The following WDFY4 variants were observed in gnomAD, a reference collection of about 807,000 sequenced individuals.
The protein encoded by WDFY4 is WDFY family member 4, also known as WD repeat- and FYVE domain-containing protein 4.
WDFY4 carries 169 observed loss-of-function variants against 351.9 expected under a neutral mutation model. The ratio of observed to expected loss-of-function variants is 0.48; its 90% CI spans 0.42 to 0.55. The LOEUF is 0.55. WDFY4 is among the 20% of genes least tolerant of loss of function. The probability of loss-of-function intolerance (pLI) is 0.00; values close to 1 mark genes in which losing one functional copy is unlikely to be tolerated. For synonymous variants in WDFY4, 1,622 were observed against 1,574.6 expected, an observed-to-expected ratio of 1.03 and a Z score of -0.71; for missense variants, 3,803 against 3,935.6, an observed-to-expected ratio of 0.97 and a Z score of 0.90.
At chr10:48,848,252 C>T (rs978211682) in intron 39 of WDFY4, among the ~76,000 whole-genome samples, 3 of 152,282 alleles carry the variant, frequency 2.0e-5, no homozygotes, top group South Asian at 4.1e-4. Flanking sequence ...CATGATTTAC[C>T]AACAAACAGG....
At chr10:48,834,536 T>C (rs2068311345) in intron 39 of WDFY4, among the ~76,000 whole-genome samples, 1 of 152,222 alleles carries the variant, frequency 6.6e-6, no homozygotes, top group Non-Finnish European at 1.5e-5. Flanking sequence ...GATCATCCTA[T>C]AGGTGATATG....
chr10:48,733,833 T>C, intron 9 of WDFY4, 98 bp from the exon 10 acceptor site: 3 of 1,073,686 alleles, frequency 2.8e-6, no homozygotes, highest in Non-Finnish European at 4.1e-6. Flanking sequence ...AAGCATTATA[T>C]TCACATCTCC....
At chr10:48,876,934 C>A (rs747874060) in intron 42 of WDFY4, 99 bp from the exon 43 acceptor site, 7 of 1,250,982 alleles carry the variant, frequency 5.6e-6, no homozygotes, top group Middle Eastern at 5.8e-4. Flanking sequence ...GGCCCTGGAG[C>A]CTTGCTGCTC....
intron 13 of WDFY4, among the ~76,000 whole-genome samples, chr10:48,773,545 C>A (rs1021592343): frequency 1.3e-5 from 2 of 152,212 alleles, no homozygotes; most frequent in African/African-American, 4.8e-5. Context: ...ATTTACTGAG[C>A]CCAGTCTATG....
At chr10:48,832,932 A>T (rs2068242761) in intron 39 of WDFY4, among the ~76,000 whole-genome samples, 1 of 152,182 alleles carries the variant, frequency 6.6e-6, no homozygotes. Flanking sequence ...TTCAGAGGGC[A>T]CTAGCCCACC....
intron 1 of WDFY4, among the ~76,000 whole-genome samples, chr10:48,699,638 C>G (rs1027039433): frequency 3.3e-5 from 5 of 152,216 alleles, no homozygotes; most frequent in Admixed American, 2.0e-4. Context: ...TTGGAGTCAT[C>G]ATGCAGGCTG....
chr10:48,866,346 T>G (rs2069543027), intron 39 of WDFY4, among the ~76,000 whole-genome samples: 1 of 152,036 alleles, frequency 6.6e-6, no homozygotes, highest in African/African-American at 2.4e-5. Context: ...CATTAGTTAT[T>G]TAGGAATGTG....
intron 47 of WDFY4, chr10:48,913,530 G>C: frequency 6.2e-7 from 1 of 1,614,036 alleles, no homozygotes; most frequent in South Asian, 1.1e-5. Context: ...TCTCAGGCAA[G>C]CCGCACACAG....
chr10:48,719,703 C>A (rs1440130305), intron 2 of WDFY4, among the ~76,000 whole-genome samples: 1 of 152,174 alleles, frequency 6.6e-6, no homozygotes, highest in African/African-American at 2.4e-5. Context: ...GCAGCAGGCA[C>A]CTGGCAGGGC....
At chr10:48,740,216 G>GT (rs1280355977) in intron 11 of WDFY4, among the ~76,000 whole-genome samples, 1 of 152,190 alleles carries the variant, frequency 6.6e-6, no homozygotes, top group African/African-American at 2.4e-5. Flanking sequence ...TTCATGGCAT[G>GT]TGTCACGTGA....
chr10:48,913,865 G>C (rs1459393536), intron 47 of WDFY4: 1 of 1,614,138 alleles, frequency 6.2e-7, no homozygotes, highest in Admixed American at 1.7e-5. Flanking sequence ...GGTAGAGCAG[G>C]CTGGTCATCT....
chr10:48,777,277 C>T (rs1423266922), intron 16 of WDFY4, 142 bp from the exon 17 acceptor site: 2 of 833,678 alleles, frequency 2.4e-6, no homozygotes, highest in African/African-American at 1.7e-5. Context: ...AGCTGCAGTC[C>T]ATCCTTGGGA....
rs1307870289 is a variant in WDFY4, at chr10:48,982,715, C to G, written c.*140C>G. The G allele has an allele frequency of 1.2e-5, 10 of 803,452 alleles. No homozygotes were observed. The highest frequency in any genetic ancestry group is 2.1e-5 in the Non-Finnish European group (10 of 484,076). 49.8% of individuals were successfully genotyped at this position (803,452 alleles called of 1,614,324 possible). A position where few individuals can be genotyped will look rare whatever the true frequency, so the allele number is the denominator to read the frequency against. On this transcript the variant is annotated 3_prime_UTR_variant, in exon 62 of 62. Coordinates refer to ENST00000325239, the MANE Select transcript of WDFY4 (RefSeq NM_001394531.1). ...TTCTCAAGGAAGGGCCTCTGGCAAT[C>G]ACAGCTCTGCAGCCCAACCCTCTCC... is the stretch of plus-strand genomic sequence containing the variant.
At chr10:48,948,108 G>T (rs1564521330) in intron 51 of WDFY4, among the ~76,000 whole-genome samples, 1 of 152,178 alleles carries the variant, frequency 6.6e-6, no homozygotes, top group South Asian at 2.1e-4. Flanking sequence ...GAATGGGTAG[G>T]CAAGGTCAAG....
chr10:48,948,170 G>T (rs146802814), intron 51 of WDFY4, among the ~76,000 whole-genome samples: 75 of 152,272 alleles, frequency 4.9e-4, no homozygotes, highest in African/African-American at 1.6e-3. Flanking sequence ...ATTACTTGGC[G>T]CAGCCTTCTC....
intron 47 of WDFY4, among the ~76,000 whole-genome samples, chr10:48,938,335 T>C (rs1252966359): frequency 1.3e-5 from 2 of 152,314 alleles, no homozygotes; most frequent in Admixed American, 6.5e-5. Context: ...TAGTGCCAGG[T>C]GAAGAAGAGG....
At chr10:48,853,362 A>G (rs918889897) in intron 39 of WDFY4, among the ~76,000 whole-genome samples, 6 of 152,140 alleles carry the variant, frequency 3.9e-5, no homozygotes, top group African/African-American at 1.2e-4. Flanking sequence ...TATTTTTGTG[A>G]TCTCTTAACT....
intron 39 of WDFY4, among the ~76,000 whole-genome samples, 192 bp from the exon 40 acceptor site, chr10:48,867,073 G>T (rs576173302): frequency 2.0e-5 from 3 of 152,020 alleles, no homozygotes; most frequent in Non-Finnish European, 4.4e-5. Flanking sequence ...GGGAGGCTGA[G>T]GCAGGAGAAT....
At chr10:48,689,146 T>C (rs920499095) in intron 1 of WDFY4, among the ~76,000 whole-genome samples, 3 of 151,282 alleles carry the variant, frequency 2.0e-5, no homozygotes, top group Non-Finnish European at 2.9e-5. Context: ...CTTCTCAGAG[T>C]TCCTAAAGCC....
Sources: gnomAD v4.1 joint callset for allele counts (sites outside exome capture counted in the v4.1 genomes callset) on GRCh38, gnomAD v4.1.1 for gene constraint, MANE v1.5 for transcripts, NCBI Gene and HGNC (gene_info 2026-07-23, HGNC 2026-07-21) for gene names.